The following FLG variants were observed in gnomAD, a reference collection of about 807,000 sequenced individuals.
The protein encoded by FLG is filaggrin.
In FLG, 6 loss-of-function variants were observed where a neutral mutation model predicts 3.8. The observed-to-expected ratio is 1.60, with a 90% confidence interval of 0.87 to 3.15. FLG has a LOEUF of 3.15. Among genes scored for constraint, FLG ranks in the 30% most tolerant of loss-of-function variants. The probability of loss-of-function intolerance (pLI) is 0.00; values close to 1 mark genes in which losing one functional copy is unlikely to be tolerated. For missense variants in FLG, 7,595 were observed against 5,050.9 expected, an observed-to-expected ratio of 1.50 and a Z score of -15.27; for synonymous variants, 2,551 against 1,931.6, an observed-to-expected ratio of 1.32 and a Z score of -8.41.
In FLG at chr1:152,308,451, G is replaced by T. The variant is rs375986526; in HGVS notation, c.6435C>A (p.Ser2145Arg). Reference protein sequence around the residue: ...QDTIRGHPGPSRGGRQGSHQE... With the variant: ...QDTIRGHPGPRRGGRQGSHQE... ...GGTGGGACCCCTGTCTTCCTCCTCT[G>T]CTTGGCCCCGGGTGTCCACGAATGG... Residue 2145 changes from serine to arginine, a missense_variant, in exon 3 of 3, where the codon AGC (serine) becomes AGA (arginine). Transcript: ENST00000368799. The T allele has an allele frequency of 3.1e-5, 50 of 1,613,664 alleles. No homozygotes were observed. The highest frequency in any genetic ancestry group is 3.6e-5 in the Non-Finnish European group (43 of 1,179,870).
chr1:152,305,186 A>T lies in FLG; in HGVS notation c.9700T>A (p.Ser3234Thr), dbSNP rs546555106. 1,982 of 1,613,516 alleles carry T rather than the reference A, an allele frequency of 1.2e-3. 58 individuals carry two copies. The South Asian group carries it at 0.02, about 17-fold the overall frequency. Residue 3234 changes from serine (S) to threonine (T), a missense_variant, in exon 3 of 3, where the codon TCT becomes ACT. By Grantham distance (58) the Ser-to-Thr change is moderately conservative (BLOSUM62 1). Coordinates refer to ENST00000368799, the MANE Select transcript of FLG (RefSeq NM_002016.2). ...HSEDSERWSGSASRNHRGSVQ... is the reference protein window; with the variant it reads ...HSEDSERWSGTASRNHRGSVQ... Reference sequence around the variant, plus strand: ...GATCCACGATGGTTTCTGGAAGCAGACCCAGACCACCTCTCAGAGTCTTCT... The same window carrying T: ...GATCCACGATGGTTTCTGGAAGCAGTCCCAGACCACCTCTCAGAGTCTTCT...
In FLG at chr1:152,312,241, G is replaced by A. The variant is rs369239278; in HGVS notation, c.2645C>T (p.Ala882Val). The change falls in exon 3 of 3, where the codon GCC becomes GTC. Residue 882 changes from alanine to valine, a missense_variant. Coordinates refer to ENST00000368799, the MANE Select transcript of FLG (RefSeq NM_002016.2). ...TCTGGATCCTGACTGCCCACGGGAGGCATCAGACCTTCCCTGGGATGTGGT... is the reference window on the plus strand; with the variant it reads ...TCTGGATCCTGACTGCCCACGGGAGACATCAGACCTTCCCTGGGATGTGGT... Reference protein sequence around the residue: ...SHTTSQGRSDASRGQSGSRSA... With the variant: ...SHTTSQGRSDVSRGQSGSRSA... 3 of 1,613,846 alleles carry A rather than the reference G, an allele frequency of 1.9e-6. No individual in the cohort carries two copies. Among genetic ancestry groups the A allele is most frequent in the Non-Finnish European group, 2.5e-6 (3 of 1,179,948 alleles).
rs1557871433 is a variant in FLG, at chr1:152,304,795, T to C, written c.10091A>G (p.His3364Arg). The change falls in exon 3 of 3, where the codon CAT becomes CGT. Residue 3364 changes from histidine (H) to arginine (R), a missense_variant. Transcript: ENST00000368799. ...SVSGHGQAGP[H>R]QQSHQESARD... ...TGCGGACTCTTGGTGGCTCTGCTGA[T>C]GGGGCCCAGCCTGTCCATGGCCTGA... The C allele has an allele frequency of 1.2e-6, 2 of 1,613,870 alleles. No homozygotes were observed. The highest frequency in any genetic ancestry group is 1.1e-5 in the South Asian group (1 of 91,032).
rs1205169274 is a variant in FLG at position 152,304,097 on chromosome 1, G to T, written c.10789C>A (p.Gln3597Lys). 1.2e-6 allele frequency: 2 copies of T among 1,608,686 alleles called. No homozygotes were observed. Among genetic ancestry groups the T allele is most frequent in the South Asian group, 1.1e-5 (1 of 90,346 alleles). The change falls in exon 3 of 3, where the codon CAA becomes AAA. Residue 3597 changes from glutamine to lysine, a missense_variant. Physicochemically the swap from Gln to Lys is moderately conservative, Grantham distance 53. Transcript: ENST00000368799. ...TTCTCTGCATGATGAGTGCCTGATT[G>T]TCTGGAGCTCTCTGCAGAGTGCCCG... ...GHGHSAESSR[Q>K]SGTHHAENSS...
intron 1 of FLG, among the ~76,000 whole-genome samples, chr1:152,323,657 T>A (rs1325118982): frequency 6.6e-6 from 1 of 151,068 alleles, no homozygotes; most frequent in East Asian, 1.9e-4. Flanking sequence ...CAAATATTGG[T>A]GAGAATGTGG....
chr1:152,313,707 G>C lies in FLG; in HGVS notation c.1179C>G (p.Asp393Glu), dbSNP rs375865030. 1 of 1,614,020 alleles carries C rather than the reference G, an allele frequency of 6.2e-7. No individual in the cohort carries two copies. Among genetic ancestry groups the C allele is most frequent in the African/African-American group, 1.3e-5 (1 of 74,926 alleles). ...GCCCAGTGGCTGAGTGTCTGGAGCT[G>C]TCTGCTGACTGCTGGTGGCCGGATC... ...RHGSGHQQSA[D>E]SSRHSATGRG... Residue 393 changes from aspartate to glutamate, a missense_variant, in exon 3 of 3, where the codon GAC (aspartate) becomes GAG (glutamate). Physicochemically the swap from Asp to Glu is conservative, Grantham distance 45. Transcript: ENST00000368799.
In FLG at chr1:152,308,438, G is replaced by A. The variant is rs778732252; in HGVS notation, c.6448C>T (p.Gln2150Ter). ...ACCGATTGCTCTTGGTGGGACCCCTGTCTTCCTCCTCTGCTTGGCCCCGGG... is the reference window on the plus strand; with the variant it reads ...ACCGATTGCTCTTGGTGGGACCCCTATCTTCCTCCTCTGCTTGGCCCCGGG... ...GHPGPSRGGRQGSHQEQSVDR... is the reference protein window; with the variant it reads ...GHPGPSRGGR The change falls in exon 3 of 3, where the codon CAG becomes TAG. Residue 2150 changes from glutamine (Q) to a stop codon, truncating the protein, a stop_gained. Coordinates refer to ENST00000368799, the MANE Select transcript of FLG (RefSeq NM_002016.2). LOFTEE classifies it low-confidence loss of function (END_TRUNC). 2 of 1,613,808 alleles carry A rather than the reference G, an allele frequency of 1.2e-6. No individual in the cohort carries two copies. The highest frequency in any genetic ancestry group is 1.1e-5 in the South Asian group (1 of 91,056).
chr1:152,307,467 C>T lies in FLG; in HGVS notation c.7419G>A (p.Arg2473=), dbSNP rs780514497. 13 of 1,613,194 alleles carry T rather than the reference C, an allele frequency of 8.1e-6. No homozygotes were observed. The highest frequency in any genetic ancestry group is 1.1e-5 in the Non-Finnish European group (13 of 1,179,702). ...HGHPGSSSGG[R]QGSHYEQLVD... ...CCAATTGCTCGTAGTGGGATCCCTG[C>T]CTTCCTCCACTGCTTGACCCCGGGT... The change falls in exon 3 of 3, where the codon AGG becomes AGA. Residue 2473 remains arginine, a synonymous_variant. Coordinates refer to ENST00000368799, the MANE Select transcript of FLG (RefSeq NM_002016.2).
chr1:152,310,742 C>A lies in FLG; in HGVS notation c.4144G>T (p.Val1382Phe). 2 of 1,614,092 alleles carry A rather than the reference C, an allele frequency of 1.2e-6. No individual in the cohort carries two copies. The highest frequency in any genetic ancestry group is 1.7e-6 in the Non-Finnish European group (2 of 1,180,028). ...GIGHRQASSAVRDSGHRGSSG... is the reference protein window; with the variant it reads ...GIGHRQASSAFRDSGHRGSSG... ...GACCCTCGGTGTCCACTGTCTCTGACTGCAGATGAAGCTTGTCTGTGCCCA... is the reference window on the plus strand; with the variant it reads ...GACCCTCGGTGTCCACTGTCTCTGAATGCAGATGAAGCTTGTCTGTGCCCA... The change falls in exon 3 of 3, where the codon GTC becomes TTC. Residue 1382 changes from valine (V) to phenylalanine (F), a missense_variant. Val to Phe is a conservative substitution (Grantham distance 50). Transcript: ENST00000368799.
rs180768115 is a variant in FLG, at chr1:152,310,342, G to T, written c.4544C>A (p.Ser1515Ter). ...TGTGGTGTGGCTGTGATGGTACCCT[G>T]AGTGTCCAGACCTATCTACTGATTG... ...HEQSVDRSGH[S>*]GYHHSHTTPQ... Residue 1515 changes from serine to a stop codon, truncating the protein, a stop_gained, in exon 3 of 3, where the codon TCA becomes TAA. Transcript: ENST00000368799. LOFTEE classifies it low-confidence loss of function (END_TRUNC). 56 of 1,613,918 alleles carry T rather than the reference G, an allele frequency of 3.5e-5. No individual in the cohort carries two copies. The East Asian group carries it at 1.1e-3, about 32-fold the overall frequency.
chr1:152,307,337 T>A lies in FLG; in HGVS notation c.7549A>T (p.Thr2517Ser). The A allele has an allele frequency of 6.2e-7, 1 of 1,612,716 alleles. No individual in the cohort carries two copies. ...HSGSRSASRQ[T>S]RNDEQSGDGS... ...TCTCCTGATTGTTCATCGTTACGAG[T>A]TTGTCTGCTTGCACTTCTGGATCCT... Residue 2517 changes from threonine (T) to serine (S), a missense_variant, in exon 3 of 3, where the codon ACT becomes TCT. Physicochemically the swap from Thr to Ser is moderately conservative, Grantham distance 58. Transcript: ENST00000368799.
Position 152,303,179 on chromosome 1 carries a change from C to T in FLG, c.11707G>A (p.Gly3903Arg), listed in dbSNP as rs557412818. 2.2e-5 allele frequency: 35 copies of T among 1,614,080 alleles called. No homozygotes were observed. The African/African-American group carries it at 2.3e-4, about 10-fold the overall frequency. ...CTGGCTGTATCGCGGTGAGAGGATC[C>T]GGGGTGTCTGGAGCCATCTCTTGAC... ...EQSRDGSRHPGSSHRDTASHV... is the reference protein window; with the variant it reads ...EQSRDGSRHPRSSHRDTASHV... The change falls in exon 3 of 3, where the codon GGA becomes AGA. Residue 3903 changes from glycine (G) to arginine (R), a missense_variant. Gly to Arg is a moderately radical substitution (Grantham distance 125). Coordinates refer to ENST00000368799, the MANE Select transcript of FLG (RefSeq NM_002016.2).
At chr1:152,320,619 G>A (rs1337058117) in intron 1 of FLG, among the ~76,000 whole-genome samples, 1 of 150,504 alleles carries the variant, frequency 6.6e-6, no homozygotes, top group East Asian at 1.9e-4. Context: ...ATCATAGTGG[G>A]GTATTTAAAT....
In FLG at chr1:152,310,752, A is replaced by C. The variant is rs1175659353; in HGVS notation, c.4134T>G (p.Ala1378=). ...SRHSGIGHRQ[A]SSAVRDSGHR... ...GTCCACTGTCTCTGACTGCAGATGA[A>C]GCTTGTCTGTGCCCAATGCCTGAGT... is the stretch of plus-strand genomic sequence containing the variant. The change falls in exon 3 of 3, where the codon GCT becomes GCG. Residue 1378 remains alanine (A), a synonymous_variant. Coordinates refer to ENST00000368799, the MANE Select transcript of FLG (RefSeq NM_002016.2). The C allele has an allele frequency of 6.2e-7, 1 of 1,613,576 alleles. No homozygotes were observed. Among genetic ancestry groups the C allele is most frequent in the Admixed American group, 1.7e-5 (1 of 59,964 alleles).
chr1:152,316,224 T>C (rs1652784869), intron 1 of FLG, among the ~76,000 whole-genome samples: 1 of 152,162 alleles, frequency 6.6e-6, no homozygotes. Flanking sequence ...AGGAGATTAC[T>C]GTAGCAGTCA....
At position 152,302,250 on chromosome 1, in the gene FLG, A is replaced by G. The variant is rs1000747908; in HGVS notation, c.*450T>C. 5.8e-6 allele frequency: 1 copy of G among 171,714 alleles called. No homozygotes were observed. Among genetic ancestry groups the G allele is most frequent in the Non-Finnish European group, 1.3e-5 (1 of 79,278 alleles). The allele number at this position is 171,714 out of a possible 1,614,324, so 10.6% of individuals were successfully genotyped here. A position where few individuals can be genotyped will look rare whatever the true frequency, so the allele number is the denominator to read the frequency against. On this transcript the variant is annotated 3_prime_UTR_variant, in exon 3 of 3. Transcript: ENST00000368799. ...CAAGATGATTTTTTGAATACAGAATACTAGAATTCCAATAGAAGGATAATA... is the reference window on the plus strand; with the variant it reads ...CAAGATGATTTTTTGAATACAGAATGCTAGAATTCCAATAGAAGGATAATA...
intron 1 of FLG, among the ~76,000 whole-genome samples, chr1:152,322,603 T>G (rs914020859): frequency 1.3e-5 from 2 of 150,798 alleles, no homozygotes; most frequent in African/African-American, 4.9e-5. Flanking sequence ...AGATTATAAG[T>G]GCTGAGAAAA....
Position 152,304,169 on chromosome 1 carries a change from C to G in FLG, c.10717G>C (p.Asp3573His), listed in dbSNP as rs377134157. The change falls in exon 3 of 3, where the codon GAT (aspartate) becomes CAT (histidine). Residue 3573 changes from aspartate (D) to histidine (H), a missense_variant. Coordinates refer to ENST00000368799, the MANE Select transcript of FLG (RefSeq NM_002016.2). ...HRGSAQEQSR[D>H]GSRHPTSHHE... Reference sequence around the variant, plus strand: ...TGGGACGTGGGGTGTCTGGAGCCATCTCTTGACTGCTCCTGAGCAGATCCA... The same window carrying G: ...TGGGACGTGGGGTGTCTGGAGCCATGTCTTGACTGCTCCTGAGCAGATCCA... The G allele has an allele frequency of 1.4e-4, 220 of 1,607,020 alleles. 1 individual carries two copies. Among genetic ancestry groups the G allele is most frequent in the East Asian group, 9.3e-4 (41 of 43,946 alleles).
rs375986526 is a variant in FLG, at chr1:152,308,451, G to C, written c.6435C>G (p.Ser2145Arg). The C allele has an allele frequency of 5.0e-6, 8 of 1,613,758 alleles. No individual in the cohort carries two copies. Among genetic ancestry groups the C allele is most frequent in the South Asian group, 2.2e-5 (2 of 91,054 alleles). The change falls in exon 3 of 3, where the codon AGC becomes AGG. Residue 2145 changes from serine to arginine, a missense_variant. Physicochemically the swap from Ser to Arg is moderately radical, Grantham distance 110 (BLOSUM62 -1). Transcript: ENST00000368799. ...GGTGGGACCCCTGTCTTCCTCCTCTGCTTGGCCCCGGGTGTCCACGAATGG... is the reference window on the plus strand; with the variant it reads ...GGTGGGACCCCTGTCTTCCTCCTCTCCTTGGCCCCGGGTGTCCACGAATGG... ...QDTIRGHPGPSRGGRQGSHQE... is the reference protein window; with the variant it reads ...QDTIRGHPGPRRGGRQGSHQE...
Sources: gnomAD v4.1 joint callset for allele counts (sites outside exome capture counted in the v4.1 genomes callset) on GRCh38, gnomAD v4.1.1 for gene constraint, MANE v1.5 for transcripts, NCBI Gene and HGNC (gene_info 2026-07-23, HGNC 2026-07-21) for gene names.